PDE4D: variants seen among roughly 807,000 people sequenced by gnomAD.
PDE4D encodes phosphodiesterase 4D.
In PDE4D, 24 loss-of-function variants were observed where a neutral mutation model predicts 87.4. That is an observed-to-expected ratio of 0.27 (90% CI 0.20 to 0.39). The LOEUF (loss-of-function observed/expected upper bound fraction) is 0.39. Among genes scored for constraint, PDE4D ranks in the 10% least tolerant of loss-of-function variants. The probability of loss-of-function intolerance (pLI) is 1.00; values close to 1 mark genes in which losing one functional copy is unlikely to be tolerated. For synonymous variants in PDE4D, 384 were observed against 383.2 expected (o/e 1.00, Z -0.02); for missense variants, 714 against 1,041.0 (o/e 0.69, Z 4.32).
At chr5:59,165,004 G>A (rs1237090462) in intron 5 of PDE4D, 2 of 152,034 alleles carry the variant, frequency 1.3e-5, no homozygotes, top group Non-Finnish European at 2.9e-5. Context: ...GCCTTCAGAG[G>A]AACTGAGTTC....
chr5:60,333,553 T>C (rs945569620), intron 1 of PDE4D, among the ~76,000 whole-genome samples: 1 of 152,200 alleles, frequency 6.6e-6, no homozygotes, highest in Non-Finnish European at 1.5e-5. Context: ...GTTCCAAATA[T>C]GGTTCCAACT....
At chr5:59,620,052 G>C (rs1367739056) in intron 1 of PDE4D, among the ~76,000 whole-genome samples, 3 of 152,132 alleles carry the variant, frequency 2.0e-5, no homozygotes, top group Non-Finnish European at 4.4e-5. Context: ...CAACTGAAAA[G>C]GCAGAAGCAG....
intron 1 of PDE4D, among the ~76,000 whole-genome samples, chr5:60,467,161 T>G (rs1747421921): frequency 6.6e-6 from 1 of 152,044 alleles, no homozygotes; most frequent in African/African-American, 2.4e-5. Context: ...TGCCTCAGCC[T>G]CCCGAGTAGT....
intron 1 of PDE4D, chr5:59,218,025 T>C (rs760580878): frequency 3.3e-5 from 16 of 483,536 alleles, no homozygotes; most frequent in Admixed American, 6.5e-5. Context: ...TCATGAAGAG[T>C]AGTATTTAAG....
intron 2 of PDE4D, among the ~76,000 whole-genome samples, chr5:59,997,507 G>A (rs538628094): frequency 6.6e-6 from 1 of 152,248 alleles, no homozygotes; most frequent in African/African-American, 2.4e-5. Flanking sequence ...TTTAAGTGAT[G>A]ATATATTTAT....
chr5:59,231,831 T>G (rs947753917), intron 1 of PDE4D, among the ~76,000 whole-genome samples: 1 of 152,210 alleles, frequency 6.6e-6, no homozygotes, highest in Non-Finnish European at 1.5e-5. Flanking sequence ...AACAGATATT[T>G]TCATTATGAC....
chr5:59,941,030 T>C (rs1757122502), intron 3 of PDE4D, among the ~76,000 whole-genome samples: 1 of 152,212 alleles, frequency 6.6e-6, no homozygotes, highest in Non-Finnish European at 1.5e-5. Flanking sequence ...GCAGATAATA[T>C]ACTGTAGCAA....
At chr5:60,520,901 C>T (rs1056643730) in intron 1 of PDE4D, 4 of 152,502 alleles carry the variant, frequency 2.6e-5, no homozygotes, top group Admixed American at 2.6e-4. Context: ...GACAGGCAGC[C>T]AGAGTCTCTG....
At chr5:59,671,026 A>T (rs1285955414) in intron 1 of PDE4D, among the ~76,000 whole-genome samples, 1 of 152,168 alleles carries the variant, frequency 6.6e-6, no homozygotes, top group Non-Finnish European at 1.5e-5. Flanking sequence ...CACTTTCAAC[A>T]CACATTTTCA....
At position 59,228,439 on chromosome 5, in the gene PDE4D, CAAA is replaced by C. The variant is rs58563221; in HGVS notation, c.456-12474_456-12472del. On this transcript the variant is annotated intron_variant, in intron 1 of 14. Coordinates refer to ENST00000340635, the MANE Select transcript of PDE4D (RefSeq NM_001104631.2). ...AAAGTTAAAATATTAACAACAACAACAAAAAAAAAAAACAAGCAAGCAAAGAAA... is the reference window on the plus strand; with the variant it reads ...AAAGTTAAAATATTAACAACAACAACAAAAAAAAACAAGCAAGCAAAGAAA... Among the ~76,000 whole-genome samples the C allele has an allele frequency of 2.2e-4, 32 of 148,648 alleles. No homozygotes were observed. In the South Asian group the frequency reaches 6.4e-3, roughly 30 times the overall value.
chr5:60,162,730 C>A (rs540412964), intron 2 of PDE4D, among the ~76,000 whole-genome samples: 1 of 151,690 alleles, frequency 6.6e-6, no homozygotes, highest in East Asian at 1.9e-4. Flanking sequence ...TATGTTAATG[C>A]ATATTAAATT....
At chr5:59,155,650 A>T (rs1402034729) in intron 5 of PDE4D, among the ~76,000 whole-genome samples, 2 of 152,138 alleles carry the variant, frequency 1.3e-5, no homozygotes, top group Admixed American at 1.3e-4. Context: ...ATGAATGGGG[A>T]AAGAGCCAGA....
chr5:59,432,916 T>G (rs1582579347), intron 1 of PDE4D, among the ~76,000 whole-genome samples: 1 of 152,108 alleles, frequency 6.6e-6, no homozygotes, highest in African/African-American at 2.4e-5. Context: ...TCTGTTATGT[T>G]TTTACTCTTC....
intron 3 of PDE4D, among the ~76,000 whole-genome samples, chr5:59,952,839 C>T (rs1271517935): frequency 3.9e-5 from 6 of 152,180 alleles, no homozygotes; most frequent in Non-Finnish European, 8.8e-5. Context: ...ATGATTTCAG[C>T]CCTCAACCTT....
At chr5:60,328,303 T>C (rs1367890160) in intron 1 of PDE4D, among the ~76,000 whole-genome samples, 1 of 152,210 alleles carries the variant, frequency 6.6e-6, no homozygotes, top group Non-Finnish European at 1.5e-5. Context: ...GAAGAGTCCA[T>C]TCTTCTAGCT....
chr5:59,134,083 T>C (rs1194066930), intron 5 of PDE4D, among the ~76,000 whole-genome samples: 1 of 150,512 alleles, frequency 6.6e-6, no homozygotes, highest in Non-Finnish European at 1.5e-5. Flanking sequence ...TGCTGTTCCT[T>C]TCACCCCCTC....
At chr5:59,913,488 C>T (rs1281128834) in intron 3 of PDE4D, among the ~76,000 whole-genome samples, 1 of 152,106 alleles carries the variant, frequency 6.6e-6, no homozygotes, top group Non-Finnish European at 1.5e-5. Context: ...GGAAGATATA[C>T]AAAATTTAAT....
In PDE4D at chr5:59,967,885, G is replaced by A. The variant is rs144827419; in HGVS notation, c.272+20603C>T. Among the ~76,000 whole-genome samples, 299 of 151,282 alleles carry A rather than the reference G, an allele frequency of 2.0e-3. 1 individual carries two copies. Among genetic ancestry groups the A allele is most frequent in the South Asian group, 4.4e-3 (21 of 4,796 alleles). On this transcript the variant is annotated intron_variant, in intron 3 of 16. Transcript: ENST00000502484. ...TAGTAGATTGCATAAAGAAAATGTG[G>A]TACATATATACTATAGAATACTATG...
intron 1 of PDE4D, among the ~76,000 whole-genome samples, chr5:60,477,084 T>C (rs1748386520): frequency 6.6e-6 from 1 of 152,128 alleles, no homozygotes; most frequent in South Asian, 2.1e-4. Context: ...GAAGTTCCTC[T>C]ATGACATGTA....
Sources: allele counts gnomAD v4.1 joint callset (sites outside exome capture counted in the v4.1 genomes callset), GRCh38; gene constraint gnomAD v4.1.1; transcripts MANE v1.5; gene names NCBI Gene and HGNC (gene_info 2026-07-23, HGNC 2026-07-21).